SND1: variants seen among roughly 807,000 people sequenced by gnomAD.
The protein encoded by SND1 is staphylococcal nuclease domain-containing protein 1.
Under a neutral mutation model 121.7 loss-of-function variants are expected in SND1, and 38 were observed. That is an observed-to-expected ratio of 0.31 (90% CI 0.24 to 0.41). SND1 has a LOEUF of 0.41. Among genes scored for constraint, SND1 ranks in the 10% least tolerant of loss-of-function variants. The pLI, the probability that SND1 is intolerant of heterozygous loss-of-function variation, is 1.00. For synonymous variants in SND1, 401 were observed against 447.4 expected, an observed-to-expected ratio of 0.90 and a Z score of 1.31; for missense variants, 868 against 1,184.6, an observed-to-expected ratio of 0.73 and a Z score of 3.92.
At chr7:127,949,035 A>C (rs1801399091) in intron 15 of SND1, 1 of 152,270 alleles carries the variant, frequency 6.6e-6, no homozygotes, top group South Asian at 2.1e-4. Flanking sequence ...GCCAATTAGT[A>C]ATTGCCAATA....
At chr7:128,060,626 G>A (rs1339138890) in intron 16 of SND1, among the ~76,000 whole-genome samples, 1 of 152,170 alleles carries the variant, frequency 6.6e-6, no homozygotes, top group East Asian at 1.9e-4. Flanking sequence ...GGGCAATTGA[G>A]AGCAACTCCT....
chr7:127,897,060 T>C (rs1800133014), intron 13 of SND1, among the ~76,000 whole-genome samples: 1 of 152,188 alleles, frequency 6.6e-6, no homozygotes, highest in South Asian at 2.1e-4. Context: ...ATAGCTTCTT[T>C]CATTTGCAGG....
intron 17 of SND1, among the ~76,000 whole-genome samples, chr7:128,080,608 G>A (rs573838921): frequency 8.1e-4 from 124 of 152,324 alleles, no homozygotes; most frequent in East Asian, 1.2e-3. Context: ...AGAGTGCCAC[G>A]GGGAAGGGAG....
intron 21 of SND1, among the ~76,000 whole-genome samples, chr7:128,088,273 T>C (rs1167037475): frequency 2.9e-4 from 32 of 111,042 alleles, no homozygotes; most frequent in Middle Eastern, 4.7e-3. Flanking sequence ...AGCAAGACCC[T>C]GTCTCTAAAA....
At chr7:127,802,839 T>G (rs1798159994) in intron 10 of SND1, among the ~76,000 whole-genome samples, 1 of 152,214 alleles carries the variant, frequency 6.6e-6, no homozygotes. Context: ...ATCTTTACAT[T>G]TGCTCAGATA....
intron 16 of SND1, chr7:127,999,549 A>G (rs910438403): frequency 2.0e-5 from 3 of 152,190 alleles, no homozygotes; most frequent in African/African-American, 7.2e-5. Flanking sequence ...GAGTAAAGAC[A>G]TAAAAGCCTC....
At chr7:127,741,640 T>C (rs931525941) in intron 10 of SND1, among the ~76,000 whole-genome samples, 3 of 152,164 alleles carry the variant, frequency 2.0e-5, no homozygotes, top group African/African-American at 7.2e-5. Flanking sequence ...TTTGCTAACA[T>C]TGCCTTCCGT....
At chr7:127,970,158 A>G (rs1801950873) in intron 15 of SND1, among the ~76,000 whole-genome samples, 1 of 152,198 alleles carries the variant, frequency 6.6e-6, no homozygotes, top group African/African-American at 2.4e-5. Context: ...AAAGTCTATC[A>G]TAGTCTATCA....
chr7:127,979,703 G>T (rs1001772956), intron 15 of SND1, among the ~76,000 whole-genome samples: 4 of 152,048 alleles, frequency 2.6e-5, no homozygotes, highest in Admixed American at 6.6e-5. Context: ...CTGATATATT[G>T]GTTCTTTGGA....
intron 10 of SND1, among the ~76,000 whole-genome samples, chr7:127,765,073 G>A (rs1050957009): frequency 1.3e-5 from 2 of 152,136 alleles, no homozygotes; most frequent in African/African-American, 4.8e-5. Context: ...TTTATGAGAA[G>A]ACCATCAGAA....
chr7:127,899,586 C>T (rs1021179020), intron 13 of SND1, among the ~76,000 whole-genome samples: 1 of 152,020 alleles, frequency 6.6e-6, no homozygotes, highest in African/African-American at 2.4e-5. Context: ...TGGTCGAGAC[C>T]CATGAAAGCC....
At chr7:127,810,791 A>G (rs1798322959) in intron 11 of SND1, among the ~76,000 whole-genome samples, 1 of 152,248 alleles carries the variant, frequency 6.6e-6, no homozygotes, top group African/African-American at 2.4e-5. Flanking sequence ...GTTGAGACTC[A>G]GTATGGTTTA....
At chr7:127,726,575 G>A (rs887778296) in intron 10 of SND1, among the ~76,000 whole-genome samples, 7 of 152,198 alleles carry the variant, frequency 4.6e-5, no homozygotes, top group Non-Finnish European at 8.8e-5. Context: ...CACATTTTGC[G>A]ATCTCAGGAC....
chr7:127,659,260 C>T (rs568813034), intron 1 of SND1, among the ~76,000 whole-genome samples: 2 of 152,110 alleles, frequency 1.3e-5, no homozygotes, highest in Non-Finnish European at 2.9e-5. Context: ...TGGAATGTTA[C>T]GGGATTTCAC....
At chr7:127,823,010 C>T (rs150776124) in intron 11 of SND1, among the ~76,000 whole-genome samples, 331 of 152,180 alleles carry the variant, frequency 2.2e-3, no homozygotes, top group African/African-American at 6.6e-3. Flanking sequence ...AGAGCGTAAT[C>T]GATAACAGCA....
chr7:127,800,723 C>A (rs534090267), intron 10 of SND1, among the ~76,000 whole-genome samples: 1 of 151,992 alleles, frequency 6.6e-6, no homozygotes, highest in Non-Finnish European at 1.5e-5. Context: ...TTGTTTTTTT[C>A]CTTTTTACTG....
intron 9 of SND1, among the ~76,000 whole-genome samples, chr7:127,719,674 G>A (rs1339724358): frequency 1.3e-5 from 2 of 152,128 alleles, no homozygotes; most frequent in African/African-American, 4.8e-5. Flanking sequence ...TTTAAGTATA[G>A]TAGAAAATTA....
At chr7:128,082,822 A>C (rs1271261391) in intron 18 of SND1, among the ~76,000 whole-genome samples, 6 of 152,302 alleles carry the variant, frequency 3.9e-5, no homozygotes, top group African/African-American at 1.4e-4. Flanking sequence ...GATCACTCCC[A>C]GGCAGGCTCT....
chr7:127,748,935 G>A (rs1797028878), intron 10 of SND1, among the ~76,000 whole-genome samples: 2 of 151,932 alleles, frequency 1.3e-5, no homozygotes, highest in South Asian at 4.1e-4. Context: ...CCAAGAAATA[G>A]CAACAGTAAC....
Sources: gnomAD v4.1 joint callset for allele counts (sites outside exome capture counted in the v4.1 genomes callset) on GRCh38, gnomAD v4.1.1 for gene constraint, MANE v1.5 for transcripts, NCBI Gene and HGNC (gene_info 2026-07-23, HGNC 2026-07-21) for gene names.